UBE2R2: variants seen among roughly 807,000 people sequenced by gnomAD.
UBE2R2 encodes ubiquitin conjugating enzyme E2 R2, also known as ubiquitin-conjugating enzyme E2 R2.
A neutral mutation model predicts 27.8 loss-of-function variants in UBE2R2; 1 was observed. The observed-to-expected ratio is 0.04, with a 90% CI of 0.01 to 0.17. UBE2R2 has a LOEUF of 0.17. Among genes scored for constraint, UBE2R2 ranks in the 10% least tolerant of loss-of-function variants. The pLI, the probability that UBE2R2 is intolerant of heterozygous loss-of-function variation, is 1.00. For synonymous variants in UBE2R2, 106 were observed against 113.3 expected (o/e 0.94, Z 0.41); for missense variants, 100 against 291.0 (o/e 0.34, Z 4.78).
At chr9:33,821,808 A>C (rs1255404550) in intron 1 of UBE2R2, among the ~76,000 whole-genome samples, 1 of 151,868 alleles carries the variant, frequency 6.6e-6, no homozygotes, top group Non-Finnish European at 1.5e-5. Context: ...TAGTAGAGAC[A>C]GGGTTTCACC....
intron 1 of UBE2R2, among the ~76,000 whole-genome samples, chr9:33,822,259 T>C (rs1825995484): frequency 6.6e-6 from 1 of 151,512 alleles, no homozygotes; most frequent in African/African-American, 2.4e-5. Context: ...GCCCAGCTAA[T>C]TCTGTATTTT....
intron 3 of UBE2R2, among the ~76,000 whole-genome samples, chr9:33,906,020 T>C (rs1397093357): frequency 6.6e-6 from 1 of 152,234 alleles, no homozygotes; most frequent in African/African-American, 2.4e-5. Flanking sequence ...TGTTTGTGTG[T>C]GTGCACATGT....
chr9:33,840,730 G>GT (rs1322272574), intron 1 of UBE2R2, among the ~76,000 whole-genome samples: 1 of 151,878 alleles, frequency 6.6e-6, no homozygotes, highest in Non-Finnish European at 1.5e-5. Context: ...AATTGTGTGG[G>GT]TTTTTTTAAA....
intron 1 of UBE2R2, among the ~76,000 whole-genome samples, chr9:33,869,268 A>C (rs541141520): frequency 6.6e-6 from 1 of 152,168 alleles, no homozygotes; most frequent in South Asian, 2.1e-4. Flanking sequence ...GTCTCAAAAC[A>C]AACAAAAACA....
At position 33,892,789 on chromosome 9, in the gene UBE2R2, G is replaced by C. The variant is rs1043957248; in HGVS notation, c.264+5822G>C. On this transcript the variant is annotated intron_variant, in intron 2 of 4. Coordinates refer to ENST00000263228, the MANE Select transcript of UBE2R2 (RefSeq NM_017811.4). ...TTTGGCCATATATCAGAATCATGTG[G>C]AGAAGTTATTAAAAAGAATCCTGGA... is the stretch of plus-strand genomic sequence containing the variant. 3.7e-4 allele frequency among the ~76,000 whole-genome samples: 56 copies of C among 152,106 alleles called. 1 individual carries two copies. Among genetic ancestry groups the C allele is most frequent in the Non-Finnish European group, 4.4e-5 (3 of 68,028 alleles).
intron 1 of UBE2R2, among the ~76,000 whole-genome samples, chr9:33,874,585 A>G (rs1821563313): frequency 6.6e-6 from 1 of 151,742 alleles, no homozygotes; most frequent in South Asian, 2.1e-4. Context: ...TATTATTATT[A>G]TTTATCCTAC....
chr9:33,918,504 C>CTAGA lies in UBE2R2; in HGVS notation c.*1269_*1272dup, dbSNP rs1191442419. The stretch of plus-strand genomic sequence containing the variant: ...CAGGCAGTTTTTAGGCCAGATAAGG[C>CTAGA]TAGATCTTCCTGCAATGCACTTGCT... On this transcript the variant is annotated 3_prime_UTR_variant, in exon 5 of 5. Transcript: ENST00000263228. The CTAGA allele has an allele frequency of 6.6e-6, 1 of 151,892 alleles. No individual in the cohort carries two copies. The highest frequency in any genetic ancestry group is 1.5e-5 in the Non-Finnish European group (1 of 68,018). The allele number at this position is 151,892 out of a possible 1,614,324, so 9.4% of individuals were successfully genotyped here. A position where few individuals can be genotyped will look rare whatever the true frequency, so the allele number is the denominator to read the frequency against.
At chr9:33,885,858 A>G (rs528202909) in intron 1 of UBE2R2, among the ~76,000 whole-genome samples, 8 of 152,336 alleles carry the variant, frequency 5.3e-5, no homozygotes, top group South Asian at 4.1e-4. Context: ...ATTTCTTCAT[A>G]TATAAAATAC....
At chr9:33,859,793 T>A (rs1481820994) in intron 1 of UBE2R2, among the ~76,000 whole-genome samples, 6 of 124,714 alleles carry the variant, frequency 4.8e-5, no homozygotes, top group African/African-American at 1.7e-4. Context: ...TGTGTGTGTG[T>A]GTGTGTGAGA....
intron 1 of UBE2R2, among the ~76,000 whole-genome samples, chr9:33,879,245 A>G (rs558853298): frequency 9.9e-5 from 15 of 152,176 alleles, no homozygotes; most frequent in Admixed American, 6.5e-4. Flanking sequence ...CAGTCAATCA[A>G]TCAGTCGATC....
chr9:33,869,336 A>C (rs1446925078), intron 1 of UBE2R2, among the ~76,000 whole-genome samples: 1 of 152,042 alleles, frequency 6.6e-6, no homozygotes, highest in Non-Finnish European at 1.5e-5. Flanking sequence ...AGGATAACAA[A>C]ACTTATTTAA....
intron 2 of UBE2R2, among the ~76,000 whole-genome samples, chr9:33,891,047 G>GTTTTTTTGTTTTTTTTTTTTTTTT: frequency 7.9e-6 from 1 of 126,410 alleles, no homozygotes; most frequent in East Asian, 2.7e-4. Context: ...TTGTTGTTGT[G>GTTTTTTTGTTTTTTTTTTTTTTTT]TTTTTTTGTT....
Position 33,835,408 on chromosome 9 carries a change from A to G in UBE2R2, c.177+17474A>G, listed in dbSNP as rs576545059. Reference sequence around the variant, plus strand: ...GTGATCCACCTGCCTCAGCCTCCCAAAGTGCTGAGATTATAGGCTTGAGCC... The same window carrying G: ...GTGATCCACCTGCCTCAGCCTCCCAGAGTGCTGAGATTATAGGCTTGAGCC... On this transcript the variant is annotated intron_variant, in intron 1 of 4. Transcript: ENST00000263228. 1.8e-4 allele frequency among the ~76,000 whole-genome samples: 28 copies of G among 152,128 alleles called. 1 individual carries two copies. The highest frequency in any genetic ancestry group is 6.3e-4 in the African/African-American group (26 of 41,514).
chr9:33,857,316 TTTTA>T (rs752445786), intron 1 of UBE2R2, among the ~76,000 whole-genome samples: 1 of 151,812 alleles, frequency 6.6e-6, no homozygotes, highest in Non-Finnish European at 1.5e-5. Flanking sequence ...TAGTGTTGAC[TTTTA>T]TTTATTTATT....
chr9:33,840,575 C>T lies in UBE2R2; in HGVS notation c.177+22641C>T, dbSNP rs776606016. On this transcript the variant is annotated intron_variant, in intron 1 of 4. Transcript: ENST00000263228. ...ACTTGGTCAGACTCTGGTTCGGTCT[C>T]TTTAGCAATACTGTAGGCAGTGTTG... Among the ~76,000 whole-genome samples, 22 of 152,254 alleles carry T rather than the reference C, an allele frequency of 1.4e-4. No individual in the cohort carries two copies. The Middle Eastern group carries it at 0.01, about 71-fold the overall frequency.
At chr9:33,890,716 A>C (rs939850161) in intron 2 of UBE2R2, among the ~76,000 whole-genome samples, 6 of 151,844 alleles carry the variant, frequency 4.0e-5, no homozygotes, top group Admixed American at 1.3e-4. Flanking sequence ...AGGCTGAGGC[A>C]AGAGAATTGC....
chr9:33,886,391 T>G (rs1170734005), intron 1 of UBE2R2, among the ~76,000 whole-genome samples: 3 of 152,164 alleles, frequency 2.0e-5, no homozygotes, highest in South Asian at 2.1e-4. Flanking sequence ...GCACGGTGGC[T>G]CACGCCTGTA....
chr9:33,816,425 G>T (rs905264283), upstream of UBE2R2, among the ~76,000 whole-genome samples: 5 of 152,202 alleles, frequency 3.3e-5, no homozygotes, highest in African/African-American at 9.7e-5. Flanking sequence ...AATGGCGAAG[G>T]CGAAGGGCAG....
intron 3 of UBE2R2, among the ~76,000 whole-genome samples, chr9:33,907,812 A>G (rs1480789332): frequency 6.7e-6 from 1 of 150,044 alleles, no homozygotes; most frequent in African/African-American, 2.5e-5. Context: ...CAGTTGAAAT[A>G]GTTTTTTGTT....
Sources: gnomAD v4.1 joint callset for allele counts (sites outside exome capture counted in the v4.1 genomes callset) on GRCh38, gnomAD v4.1.1 for gene constraint, MANE v1.5 for transcripts, NCBI Gene and HGNC (gene_info 2026-07-23, HGNC 2026-07-21) for gene names.